Variants in WNT5B observed in about 807,000 individuals in gnomAD.
WNT5B encodes the protein Wnt family member 5B.
Under a neutral mutation model 36.5 loss-of-function variants are expected in WNT5B, and 18 were observed. The observed-to-expected ratio is 0.49, with a 90% CI of 0.34 to 0.73. The LOEUF is 0.73. Among genes scored for constraint, WNT5B ranks in the 30% least tolerant of loss-of-function variants. WNT5B has a pLI of 0.01. For missense variants in WNT5B, 424 were observed against 508.4 expected, an observed-to-expected ratio of 0.83 and a Z score of 1.60; for synonymous variants, 213 against 212.3, an observed-to-expected ratio of 1.00 and a Z score of -0.03.
chr12:1,639,407 G>C (rs1232174302), intron 3 of WNT5B, among the ~76,000 whole-genome samples: 1 of 151,430 alleles, frequency 6.6e-6, no homozygotes, highest in African/African-American at 2.4e-5. Flanking sequence ...CAAAGGGCTG[G>C]GATTACGGGC....
At chr12:1,624,551 A>C (rs1316155147), upstream of WNT5B, among the ~76,000 whole-genome samples, 1 of 152,186 alleles carries the variant, frequency 6.6e-6, no homozygotes, top group African/African-American at 2.4e-5. Flanking sequence ...CAAAGTGAGA[A>C]TAATAATGGC....
chr12:1,617,653 A>G (rs34630671), intron 1 of WNT5B, among the ~76,000 whole-genome samples: 2,937 of 152,278 alleles, frequency 0.019, 40 homozygotes, highest in Middle Eastern at 0.075. Flanking sequence ...AGAAAAAGAA[A>G]AAAGAACTGC....
chr12:1,627,257 C>T (rs1254653832), upstream of WNT5B, among the ~76,000 whole-genome samples: 3 of 152,186 alleles, frequency 2.0e-5, no homozygotes, highest in Non-Finnish European at 2.9e-5. This position sits in a 1 kb window ranked among gnomAD's most constrained non-coding sequence, Gnocchi z 5.0. Context: ...AGGCTCGTGG[C>T]TATTTCTGGA....
chr12:1,620,152 G>T (rs1288971717), intron 1 of WNT5B, among the ~76,000 whole-genome samples: 1 of 152,114 alleles, frequency 6.6e-6, no homozygotes, highest in African/African-American at 2.4e-5. Flanking sequence ...CCATCACCAG[G>T]TTGGAAAATA....
Position 1,630,109 on chromosome 12 carries a change from A to C in WNT5B, c.-58+738A>C. The stretch of plus-strand genomic sequence containing the variant: ...TGTCCTCTCCTGGCGGCCCCAGGAC[A>C]AAAATACTTCCCGGGCTGATGACCC... On this transcript the variant is annotated intron_variant, in intron 1 of 4. Coordinates refer to ENST00000397196, the MANE Select transcript of WNT5B (RefSeq NM_032642.3). This position sits in a 1 kb window ranked among gnomAD's most constrained non-coding sequence, Gnocchi z 5.3. The C allele has an allele frequency of 1.0e-6, 1 of 985,242 alleles. No homozygotes were observed. 61.0% of individuals were successfully genotyped at this position (985,242 alleles called of 1,614,324 possible).
intron 1 of WNT5B, among the ~76,000 whole-genome samples, chr12:1,619,014 C>G (rs1307261574): frequency 1.3e-5 from 2 of 152,118 alleles, no homozygotes; most frequent in Non-Finnish European, 2.9e-5. Flanking sequence ...TGTACCTTAT[C>G]ACTGGGAATG....
intron 1 of WNT5B, among the ~76,000 whole-genome samples, chr12:1,623,294 C>T (rs1451023975): frequency 1.6e-5 from 2 of 124,786 alleles, no homozygotes; most frequent in Non-Finnish European, 3.3e-5. Flanking sequence ...CTCCCAGGTT[C>T]ACACCATTCT....
intron 3 of WNT5B, 108 bp from the exon 4 acceptor site, chr12:1,639,576 G>A: frequency 8.0e-7 from 1 of 1,252,464 alleles, no homozygotes; most frequent in Non-Finnish European, 1.1e-6. Context: ...CTGCCCCAGG[G>A]GTGTCAGCAG....
At position 1,647,143 on chromosome 12, in the gene WNT5B, G is replaced by A. The variant is rs1403617242; in HGVS notation, c.*891G>A. 1.3e-5 allele frequency: 2 copies of A among 152,376 alleles called. No individual in the cohort carries two copies. Among genetic ancestry groups the A allele is most frequent in the East Asian group, 1.9e-4 (1 of 5,182 alleles). 9.4% of individuals were successfully genotyped at this position (152,376 alleles called of 1,614,324 possible). ...GGACGCTGCAACGGGTCAGGCTGGC[G>A]GGCCCGGCGTGCTCATCATCTCTGC... On this transcript the variant is annotated 3_prime_UTR_variant, in exon 5 of 5. Coordinates refer to ENST00000397196, the MANE Select transcript of WNT5B (RefSeq NM_032642.3).
chr12:1,620,753 G>A (rs1280739187), intron 1 of WNT5B, among the ~76,000 whole-genome samples: 3 of 150,572 alleles, frequency 2.0e-5, no homozygotes, highest in Admixed American at 6.6e-5. Context: ...GGCCAGGCTG[G>A]GGTGCAATGG....
At chr12:1,619,860 C>T (rs1018739603) in intron 1 of WNT5B, among the ~76,000 whole-genome samples, 1 of 152,118 alleles carries the variant, frequency 6.6e-6, no homozygotes, top group South Asian at 2.1e-4. Flanking sequence ...AGTCATCCCA[C>T]GTGGTTGTCT....
rs1489663031 is a variant in WNT5B, at chr12:1,630,274, G to A, written c.-58+903G>A. 1.0e-5 allele frequency: 10 copies of A among 978,702 alleles called. No homozygotes were observed. The highest frequency in any genetic ancestry group is 1.2e-5 in the Non-Finnish European group (10 of 823,952). The allele number at this position is 978,702 out of a possible 1,614,324, so 60.6% of individuals were successfully genotyped here. The stretch of plus-strand genomic sequence containing the variant: ...CTGGGGGCGCGGGTCACGCCCAGAC[G>A]GGGGCCCCGGAGGACCGCGGGGGAG... On this transcript the variant is annotated intron_variant, in intron 1 of 4. Transcript: ENST00000397196. This position sits in a 1 kb window ranked among gnomAD's most constrained non-coding sequence, Gnocchi z 5.3.
chr12:1,642,723 G>A (rs2094577822), intron 4 of WNT5B, among the ~76,000 whole-genome samples: 1 of 152,104 alleles, frequency 6.6e-6, no homozygotes, highest in Non-Finnish European at 1.5e-5. Flanking sequence ...ATTGTTTGTT[G>A]TCTTGTCCGG....
intron 2 of WNT5B, among the ~76,000 whole-genome samples, chr12:1,631,721 T>C (rs549537167): frequency 7.1e-4 from 108 of 151,848 alleles, no homozygotes; most frequent in African/African-American, 2.5e-3. Flanking sequence ...TAGAAATTGC[T>C]CTTGGGTCAA....
chr12:1,639,657 G>C (rs138994830), intron 3 of WNT5B, 27 bp from the exon 4 acceptor site: 29 of 1,481,696 alleles, frequency 2.0e-5, no homozygotes, highest in Non-Finnish European at 2.5e-5. Context: ...GAGCGCACCC[G>C]CTTACCGCCC....
Position 1,633,198 on chromosome 12 carries a change from G to T in WNT5B, c.328+293G>T, listed in dbSNP as rs1418831401. On this transcript the variant is annotated intron_variant, in intron 3 of 4. Coordinates refer to ENST00000397196, the MANE Select transcript of WNT5B (RefSeq NM_032642.3). This position sits in a 1 kb window ranked among gnomAD's most constrained non-coding sequence, Gnocchi z 4.8. Reference sequence around the variant, plus strand: ...AGGTTGCTTGGGACTCACTGAGAGGGGGCAGGACATCTGAGTTGACTTAGA... The same window carrying T: ...AGGTTGCTTGGGACTCACTGAGAGGTGGCAGGACATCTGAGTTGACTTAGA... Among the ~76,000 whole-genome samples the T allele has an allele frequency of 1.3e-5, 2 of 152,160 alleles. No individual in the cohort carries two copies. The highest frequency in any genetic ancestry group is 2.9e-5 in the Non-Finnish European group (2 of 68,024).
chr12:1,636,341 C>T (rs1472390950), intron 3 of WNT5B, among the ~76,000 whole-genome samples: 1 of 151,298 alleles, frequency 6.6e-6, no homozygotes, highest in Non-Finnish European at 1.5e-5. Flanking sequence ...CTCTGCGTAC[C>T]CCAACCCCCA....
At chr12:1,639,147 C>CT (rs1246979762) in intron 3 of WNT5B, among the ~76,000 whole-genome samples, 15 of 150,078 alleles carry the variant, frequency 1.0e-4, no homozygotes, top group African/African-American at 1.2e-4. Context: ...GTTTTTTTTT[C>CT]TTTTTTTTGA....
chr12:1,629,530 G>C (rs972044188), intron 1 of WNT5B, among the ~76,000 whole-genome samples, 159 bp downstream of exon 1: 2 of 151,986 alleles, frequency 1.3e-5, no homozygotes, highest in Admixed American at 1.3e-4. Context: ...GGCTGGGCAG[G>C]AGGCTTCGGG....
Sources: allele counts gnomAD v4.1 joint callset (sites outside exome capture counted in the v4.1 genomes callset), GRCh38; gene constraint gnomAD v4.1.1; non-coding constraint Gnocchi (gnomAD v3.1); transcripts MANE v1.5; gene names NCBI Gene and HGNC (gene_info 2026-07-23, HGNC 2026-07-21).